HDLBP: variants seen among roughly 807,000 people sequenced by gnomAD.
HDLBP encodes high density lipoprotein binding protein.
HDLBP carries 30 observed loss-of-function variants against 137.3 expected under a neutral mutation model. The observed-to-expected ratio is 0.22, with a 90% CI of 0.16 to 0.30. HDLBP has a LOEUF of 0.30. HDLBP is among the 10% of genes least tolerant of loss of function. The probability of loss-of-function intolerance (pLI) is 1.00; values close to 1 mark genes in which losing one functional copy is unlikely to be tolerated. For synonymous variants in HDLBP, 606 were observed against 596.0 expected, an observed-to-expected ratio of 1.02 and a Z score of -0.24; for missense variants, 1,119 against 1,667.3, an observed-to-expected ratio of 0.67 and a Z score of 5.73.
chr2:241,250,607 C>G (rs919861862), intron 11 of HDLBP: 4 of 152,592 alleles, frequency 2.6e-5, no homozygotes, highest in Admixed American at 2.6e-4. Context: ...GAAGCCGTAT[C>G]ATCAGGAAAC....
chr2:241,234,263 T>C (rs527973735), intron 23 of HDLBP, among the ~76,000 whole-genome samples: 168 of 152,298 alleles, frequency 1.1e-3, no homozygotes, highest in African/African-American at 3.9e-3. Flanking sequence ...AGTCACGAGC[T>C]TGGGGCCCCG....
chr2:241,281,153 C>T (rs1396682964), intron 1 of HDLBP, among the ~76,000 whole-genome samples: 3 of 152,014 alleles, frequency 2.0e-5, no homozygotes, highest in East Asian at 1.9e-4. Flanking sequence ...GTCGAGAGAT[C>T]GAGATCAGCC....
In HDLBP at chr2:241,236,611, A is replaced by AT. The variant is rs1439541900; in HGVS notation, c.2904+3dup. 1.2e-6 allele frequency: 2 copies of AT among 1,613,568 alleles called. No homozygotes were observed. Among genetic ancestry groups the AT allele is most frequent in the East Asian group, 4.5e-5 (2 of 44,784 alleles). On this transcript the variant is annotated splice_donor_region_variant and intron_variant, in intron 21 of 27. Transcript: ENST00000310931. ...GGGGTGGAGGGGGGCACATGGACACATACCTCCAGAGCTTCCTTGGCAGCC... is the reference window on the plus strand; with the variant it reads ...GGGGTGGAGGGGGGCACATGGACACATTACCTCCAGAGCTTCCTTGGCAGCC...
In HDLBP at chr2:241,228,609, A is replaced by G. The variant is rs968388307; in HGVS notation, c.*992T>C. ...CCACCCCCAGCTCCACGGGAAACCC[A>G]TAACCACCAGAAACATCTCAATCAA... On this transcript the variant is annotated 3_prime_UTR_variant, in exon 28 of 28. Coordinates refer to ENST00000310931, the MANE Select transcript of HDLBP (RefSeq NM_005336.6). The G allele has an allele frequency of 6.6e-6, 1 of 152,422 alleles. No homozygotes were observed. Among genetic ancestry groups the G allele is most frequent in the Non-Finnish European group, 1.5e-5 (1 of 68,030 alleles). The allele number at this position is 152,422 out of a possible 1,614,324, so 9.4% of individuals were successfully genotyped here.
At chr2:241,273,639 G>C (rs1231993119) in intron 1 of HDLBP, 1 of 985,234 alleles carries the variant, frequency 1.0e-6, no homozygotes, top group Non-Finnish European at 1.2e-6. Flanking sequence ...CTCTGGCAAA[G>C]TCGCAGGTCA....
intron 1 of HDLBP, among the ~76,000 whole-genome samples, chr2:241,291,529 A>G (rs2075014361): frequency 6.6e-6 from 1 of 152,222 alleles, no homozygotes; most frequent in Non-Finnish European, 1.5e-5. Flanking sequence ...TATTAGTTCC[A>G]GTGCATCCTA....
At chr2:241,237,372 T>TG (rs1475464998) in intron 20 of HDLBP, among the ~76,000 whole-genome samples, 2 of 152,162 alleles carry the variant, frequency 1.3e-5, no homozygotes, top group Non-Finnish European at 2.9e-5. Flanking sequence ...CAGGCCACAC[T>TG]GGGACACCGC....
intron 23 of HDLBP, among the ~76,000 whole-genome samples, chr2:241,234,413 A>G (rs2070155592): frequency 6.6e-6 from 1 of 152,196 alleles, no homozygotes; most frequent in Non-Finnish European, 1.5e-5. Context: ...TACAGGTATG[A>G]CCTGGCTGCA....
At chr2:241,296,427 T>C (rs1316487566) in intron 1 of HDLBP, among the ~76,000 whole-genome samples, 2 of 152,184 alleles carry the variant, frequency 1.3e-5, no homozygotes, top group Non-Finnish European at 2.9e-5. Context: ...AACCTGTGAT[T>C]TGGGGCTGCA....
At chr2:241,299,500 C>T (rs1237114702) in intron 1 of HDLBP, among the ~76,000 whole-genome samples, 3 of 93,528 alleles carry the variant, frequency 3.2e-5, no homozygotes, top group South Asian at 4.1e-4. Context: ...AGCCTGGCTC[C>T]GTCTCAAAAA....
intron 1 of HDLBP, among the ~76,000 whole-genome samples, chr2:241,297,549 T>C (rs944603686): frequency 6.6e-6 from 1 of 152,168 alleles, no homozygotes; most frequent in Non-Finnish European, 1.5e-5. Flanking sequence ...TGTATACACA[T>C]ACTCTGTTGA....
At chr2:241,250,026 A>T in intron 11 of HDLBP, 46 bp from the exon 12 acceptor site, 2 of 1,553,132 alleles carry the variant, frequency 1.3e-6, no homozygotes, top group Non-Finnish European at 1.7e-6. Context: ...GACCAACAAC[A>T]TTCTGCCAAT....
At chr2:241,258,304 G>A (rs928630714) in intron 5 of HDLBP, among the ~76,000 whole-genome samples, 34 of 134,646 alleles carry the variant, frequency 2.5e-4, no homozygotes, top group African/African-American at 7.0e-4. Flanking sequence ...CCGAGATCGC[G>A]CCACTGCACT....
chr2:241,241,808 T>C (rs1180345176), intron 17 of HDLBP, among the ~76,000 whole-genome samples: 1 of 151,920 alleles, frequency 6.6e-6, no homozygotes, highest in East Asian at 1.9e-4. Context: ...AAAACACCAA[T>C]AAAGAATCAC....
rs1437474732 is a variant in HDLBP at position 241,252,966 on chromosome 2, C to T, written c.1363G>A (p.Gly455Ser). 1.9e-6 allele frequency: 3 copies of T among 1,606,484 alleles called. No individual in the cohort carries two copies. The highest frequency in any genetic ancestry group is 2.6e-6 in the Non-Finnish European group (3 of 1,173,470). ...KFHRHLIGKS[G>S]ANINRIKDQY... The stretch of plus-strand genomic sequence containing the variant: ...AGACAGCCTCACTCACTGTTGGCAC[C>T]GCTCTTCCCAATGAGGTGCCTGTGG... Residue 455 changes from glycine to serine, a missense_variant, in exon 11 of 28, where the codon GGT (glycine) becomes AGT (serine). Around this residue, in one of 4 missense-constraint regions of HDLBP, gnomAD observed 425 missense variants for 693.9 expected, o/e 0.61. Coordinates refer to ENST00000310931, the MANE Select transcript of HDLBP (RefSeq NM_005336.6).
chr2:241,264,641 C>T lies in HDLBP; in HGVS notation c.77-36G>A, dbSNP rs770163203. ...CAACACAGATTAAAAGGAAGCACTA[C>T]TTTTAGCATTACATGAAAAACACTT... On this transcript the variant is annotated intron_variant, in intron 3 of 27. Coordinates refer to ENST00000310931, the MANE Select transcript of HDLBP (RefSeq NM_005336.6). The T allele has an allele frequency of 1.9e-6, 3 of 1,596,072 alleles. No individual in the cohort carries two copies. In the East Asian group the frequency reaches 6.7e-5, roughly 36 times the overall value.
chr2:241,238,825 A>T lies in HDLBP; in HGVS notation c.2611-38T>A. The T allele has an allele frequency of 3.4e-6, 5 of 1,482,990 alleles. No homozygotes were observed. The highest frequency in any genetic ancestry group is 4.5e-6 in the Non-Finnish European group (5 of 1,105,824). 91.9% of individuals were successfully genotyped at this position (1,482,990 alleles called of 1,614,324 possible). On this transcript the variant is annotated intron_variant, in intron 19 of 27. Transcript: ENST00000310931. This position sits in a 1 kb window ranked among gnomAD's most constrained non-coding sequence, Gnocchi z 4.9. ...ACACAAAGAAAAAAGAAAAGAGCAA[A>T]GATTAAATTCCTTAGGGCAAGTTTT...
intron 5 of HDLBP, among the ~76,000 whole-genome samples, chr2:241,257,237 C>A (rs111871026): frequency 6.6e-6 from 1 of 152,156 alleles, no homozygotes; most frequent in Non-Finnish European, 1.5e-5. Flanking sequence ...GAAAGAGATG[C>A]GTTTCTTTTT....
chr2:241,302,273 G>A (rs865873100), intron 1 of HDLBP, among the ~76,000 whole-genome samples: 1 of 152,010 alleles, frequency 6.6e-6, no homozygotes, highest in African/African-American at 2.4e-5. Flanking sequence ...CAAACTAGAG[G>A]CCAGGTTAGG....
Sources: gnomAD v4.1 joint callset for allele counts (sites outside exome capture counted in the v4.1 genomes callset) on GRCh38, gnomAD v4.1.1 for gene constraint, gnomAD v4.1.1 regional missense constraint, Gnocchi (gnomAD v3.1) non-coding constraint, MANE v1.5 for transcripts, NCBI Gene and HGNC (gene_info 2026-07-23, HGNC 2026-07-21) for gene names.